Variants in FAM228B observed in about 807,000 individuals in gnomAD.
The protein encoded by FAM228B is family with sequence similarity 228 member B.
In FAM228B, 38 loss-of-function variants were observed where a neutral mutation model predicts 42.6. That is an observed-to-expected ratio of 0.89 (90% confidence interval 0.69 to 1.17). FAM228B has a LOEUF of 1.17. Ranked by LOEUF, FAM228B falls within the 50% of genes most tolerant of loss-of-function variation. The pLI is 0.00. For synonymous variants in FAM228B, 109 were observed against 122.3 expected, an observed-to-expected ratio of 0.89 and a Z score of 0.72; for missense variants, 344 against 367.3, an observed-to-expected ratio of 0.94 and a Z score of 0.52.
chr2:24,083,226 C>T, intron 2 of FAM228B: 1 of 1,465,292 alleles, frequency 6.8e-7, no homozygotes, highest in Non-Finnish European at 9.1e-7. Flanking sequence ...GCCCCCCTTC[C>T]AAGATCCCCT....
intron 2 of FAM228B, among the ~76,000 whole-genome samples, chr2:24,132,907 C>T (rs191136583): frequency 1.6e-3 from 237 of 152,294 alleles, no homozygotes; most frequent in African/African-American, 5.4e-3. Flanking sequence ...AGCTGGGCTA[C>T]ATGGAGTCTG....
In FAM228B at chr2:24,080,318, G is replaced by A. The variant is rs1664940883; in HGVS notation, c.-289-558G>A. 1.3e-5 allele frequency among the ~76,000 whole-genome samples: 2 copies of A among 151,556 alleles called. No homozygotes were observed. Among genetic ancestry groups the A allele is most frequent in the Admixed American group, 1.3e-4 (2 of 15,202 alleles). ...TGCAGCGAGCCGAGATCAAGCCACT[G>A]CACGCCATCCTCAGTGACAGAGTGA... On this transcript the variant is annotated intron_variant, in intron 1 of 10. Transcript: ENST00000613899. The surrounding 1 kb of genome is among the most constrained non-coding windows in gnomAD (Gnocchi z 4.7).
chr2:24,115,331 T>C (rs1665879276), intron 3 of FAM228B: 2 of 467,420 alleles, frequency 4.3e-6, no homozygotes, highest in South Asian at 5.2e-5. Context: ...AGCCTCCCAA[T>C]AGATATGCTC....
At chr2:24,125,221 C>T (rs938098587) in intron 2 of FAM228B, among the ~76,000 whole-genome samples, 1 of 151,986 alleles carries the variant, frequency 6.6e-6, no homozygotes, top group Non-Finnish European at 1.5e-5. Context: ...TCTCCACAAA[C>T]GAACGAACAA....
At chr2:24,088,109 C>T (rs71439113) in intron 2 of FAM228B, among the ~76,000 whole-genome samples, 18,110 of 151,902 alleles carry the variant, frequency 0.12, 1,243 homozygotes, top group South Asian at 0.18. Flanking sequence ...AACTCCTTAC[C>T]TCAGGTTATC....
Position 24,135,182 on chromosome 2 carries a change from A to T in FAM228B, c.163A>T (p.Ile55Phe). 1 of 1,482,664 alleles carries T rather than the reference A, an allele frequency of 6.7e-7. No homozygotes were observed. Among genetic ancestry groups the T allele is most frequent in the Non-Finnish European group, 9.1e-7 (1 of 1,098,138 alleles). The allele number at this position is 1,482,664 out of a possible 1,614,324, so 91.8% of individuals were successfully genotyped here. The stretch of plus-strand genomic sequence containing the variant: ...AATATTATACAAAGAAAATTCTGTA[A>T]TTAAGGTAAGAATTGGCTACAAAAT... Reference protein sequence around the residue: ...QSILYKENSVIKELDKYLQHH... With the variant: ...QSILYKENSVFKELDKYLQHH... Residue 55 changes from isoleucine to phenylalanine, a missense_variant, in exon 3 of 11, where the codon ATT (isoleucine) becomes TTT (phenylalanine). By Grantham distance (21) the Ile-to-Phe change is conservative (BLOSUM62 0). Transcript: ENST00000615575.
At chr2:24,090,208 C>G (rs1253943360) in intron 2 of FAM228B, among the ~76,000 whole-genome samples, 1 of 149,908 alleles carries the variant, frequency 6.7e-6, no homozygotes, top group Non-Finnish European at 1.5e-5. Context: ...GCGGAGCTTG[C>G]AGTGAGCCGA....
chr2:24,164,128 T>C, intron 8 of FAM228B, 70 bp from the exon 9 acceptor site: 1 of 1,343,828 alleles, frequency 7.4e-7, no homozygotes, highest in Non-Finnish European at 9.9e-7. Flanking sequence ...CAAATTTAAA[T>C]AAAAATATTA....
chr2:24,119,548 T>C (rs1666029104), upstream of FAM228B: 3 of 1,540,708 alleles, frequency 1.9e-6, no homozygotes, highest in Non-Finnish European at 2.7e-6. Context: ...ACATAGGGAA[T>C]GAAGACAGGA....
At chr2:24,135,028 G>T in intron 2 of FAM228B, 91 bp from the exon 3 acceptor site, 1 of 818,924 alleles carries the variant, frequency 1.2e-6, no homozygotes, top group South Asian at 1.7e-5. Flanking sequence ...AACTTTCCAG[G>T]GATATGTCTG....
Position 24,164,353 on chromosome 2 carries a change from C to T in FAM228B, c.932+18C>T, listed in dbSNP as rs1301992944. The T allele has an allele frequency of 2.2e-5, 34 of 1,542,650 alleles. No individual in the cohort carries two copies. The highest frequency in any genetic ancestry group is 2.8e-5 in the Non-Finnish European group (32 of 1,143,096). On this transcript the variant is annotated intron_variant, in intron 9 of 10. Coordinates refer to ENST00000615575, the MANE Select transcript of FAM228B (RefSeq NM_001145710.2). ...CAGGATGGGTAAGAGCTGGGGCTGT[C>T]CCATTTCATCATACATAAGGTGGCA...
In FAM228B at chr2:24,084,095, T is replaced by A; in HGVS notation, c.-210+3140T>A. 1 of 1,486,720 alleles carries A rather than the reference T, an allele frequency of 6.7e-7. No individual in the cohort carries two copies. The highest frequency in any genetic ancestry group is 8.9e-7 in the Non-Finnish European group (1 of 1,120,602). 92.1% of individuals were successfully genotyped at this position (1,486,720 alleles called of 1,614,324 possible). A position where few individuals can be genotyped will look rare whatever the true frequency, so the allele number is the denominator to read the frequency against. The stretch of plus-strand genomic sequence containing the variant: ...CAGCTGCCTGCTGGGTGTGGAGCGG[T>A]GCACGCCTTCACGTCTGGTCAATGT... On this transcript the variant is annotated intron_variant, in intron 2 of 10. Coordinates refer to the FAM228B transcript ENST00000613899. The surrounding 1 kb of genome is among the most constrained non-coding windows in gnomAD (Gnocchi z 8.4).
chr2:24,112,782 T>C (rs1000380587), intron 3 of FAM228B, among the ~76,000 whole-genome samples: 10 of 152,184 alleles, frequency 6.6e-5, no homozygotes, highest in African/African-American at 2.4e-4. Flanking sequence ...TTTGGCTCTA[T>C]CCATCTTCCC....
At chr2:24,094,103 C>T (rs1226438004) in intron 2 of FAM228B, among the ~76,000 whole-genome samples, 5 of 141,450 alleles carry the variant, frequency 3.5e-5, no homozygotes, top group Non-Finnish European at 7.5e-5. Flanking sequence ...GCAGTGGCAC[C>T]ATCATAGCTT....
Position 24,135,198 on chromosome 2 carries a change from G to T in FAM228B, c.168+11G>T, listed in dbSNP as rs780521695. The stretch of plus-strand genomic sequence containing the variant: ...AATTCTGTAATTAAGGTAAGAATTG[G>T]CTACAAAATGCATCTCAGTTAAAAA... On this transcript the variant is annotated intron_variant, in intron 3 of 10. Coordinates refer to ENST00000615575, the MANE Select transcript of FAM228B (RefSeq NM_001145710.2). 2.9e-6 allele frequency: 4 copies of T among 1,380,978 alleles called. No homozygotes were observed. The highest frequency in any genetic ancestry group is 3.9e-6 in the Non-Finnish European group (4 of 1,012,974). 85.5% of individuals were successfully genotyped at this position (1,380,978 alleles called of 1,614,324 possible). A position where few individuals can be genotyped will look rare whatever the true frequency, so the allele number is the denominator to read the frequency against.
intron 8 of FAM228B, among the ~76,000 whole-genome samples, chr2:24,163,885 A>G (rs778775007): frequency 1.3e-3 from 195 of 152,124 alleles, no homozygotes; most frequent in Non-Finnish European, 1.4e-3. Flanking sequence ...TGGAGAAGGC[A>G]TATTTGTCCT....
At chr2:24,140,821 G>A (rs1279438312) in intron 5 of FAM228B, among the ~76,000 whole-genome samples, 2 of 151,734 alleles carry the variant, frequency 1.3e-5, no homozygotes, top group Non-Finnish European at 2.9e-5. Flanking sequence ...AATTAGCCGG[G>A]TGTGGTGGCA....
At position 24,146,766 on chromosome 2, in the gene FAM228B, C is replaced by CAGAA. The variant is rs1375484340; in HGVS notation, c.461_462insGAAA (p.His154GlnfsTer3). 1 of 1,549,778 alleles carries CAGAA rather than the reference C, an allele frequency of 6.5e-7. No homozygotes were observed. The highest frequency in any genetic ancestry group is 8.7e-7 in the Non-Finnish European group (1 of 1,145,814). On this transcript the variant is annotated frameshift_variant, in exon 6 of 11. Transcript: ENST00000615575. LOFTEE classifies it high-confidence loss of function. ...CTTGTAGGTTACCATCCCACCATTT[C>CAGAA]ATGACCCTTTGAAAAAAGCACAATA...
At chr2:24,101,110 T>A (rs1665596226) in intron 3 of FAM228B, among the ~76,000 whole-genome samples, 1 of 152,040 alleles carries the variant, frequency 6.6e-6, no homozygotes, top group South Asian at 2.1e-4. Context: ...CCAGGGCCTG[T>A]TGGGGGGTTG....
Sources: gnomAD v4.1 joint callset for allele counts (sites outside exome capture counted in the v4.1 genomes callset) on GRCh38, gnomAD v4.1.1 for gene constraint, Gnocchi (gnomAD v3.1) non-coding constraint, MANE v1.5 for transcripts, NCBI Gene and HGNC (gene_info 2026-07-23, HGNC 2026-07-21) for gene names.